Variants in LYSMD2 observed in about 807,000 individuals in gnomAD.
LYSMD2 encodes the protein LysM domain containing 2, also known as lysM and putative peptidoglycan-binding domain-containing protein 2.
In LYSMD2, 6 loss-of-function variants were observed where a neutral mutation model predicts 17.7. The ratio of observed to expected loss-of-function variants is 0.34; its 90% CI spans 0.19 to 0.67. The LOEUF (loss-of-function observed/expected upper bound fraction) is 0.67. LYSMD2 is among the 30% of genes least tolerant of loss of function. The pLI is 0.69. For missense variants in LYSMD2, 237 were observed against 286.7 expected, an observed-to-expected ratio of 0.83 and a Z score of 1.25; for synonymous variants, 102 against 129.8, an observed-to-expected ratio of 0.79 and a Z score of 1.45.
At chr15:51,727,304 A>G (rs1253080187) in intron 1 of LYSMD2, among the ~76,000 whole-genome samples, 2 of 152,300 alleles carry the variant, frequency 1.3e-5, no homozygotes, top group African/African-American at 2.4e-5. Context: ...GTTTTCAAAC[A>G]GCAGCAGAAC....
chr15:51,744,817 A>G (rs904384882), intron 1 of LYSMD2, among the ~76,000 whole-genome samples: 1 of 152,200 alleles, frequency 6.6e-6, no homozygotes, highest in Admixed American at 6.5e-5. Context: ...AAGGAAGTCA[A>G]CAAATCCAAA....
chr15:51,747,110 G>A (rs1280446070), intron 1 of LYSMD2, among the ~76,000 whole-genome samples: 1 of 151,130 alleles, frequency 6.6e-6, no homozygotes, highest in Admixed American at 6.6e-5. Context: ...TTAGACATGA[G>A]AATTGCTTGA....
chr15:51,724,865 C>T lies in LYSMD2; in HGVS notation c.530G>A (p.Arg177Lys), dbSNP rs2055527411. 4 of 1,614,108 alleles carry T rather than the reference C, an allele frequency of 2.5e-6. No individual in the cohort carries two copies. The East Asian group carries it at 8.9e-5, about 36-fold the overall frequency. The change falls in exon 2 of 3, where the codon AGA becomes AAA. Residue 177 changes from arginine to lysine, a missense_variant. Transcript: ENST00000267838. ...QPVQPEEVSA[R>K]DFLQRLDLQI... is the part of the protein sequence containing the mutation. Reference sequence around the variant, plus strand: ...CAAGTCAAGTCTCTGCAGGAAATCTCTGGCTGACACTTCCTCAGGCTGCAC... The same window carrying T: ...CAAGTCAAGTCTCTGCAGGAAATCTTTGGCTGACACTTCCTCAGGCTGCAC...
intron 1 of LYSMD2, among the ~76,000 whole-genome samples, chr15:51,750,156 CT>C (rs1436085670): frequency 6.6e-6 from 1 of 152,206 alleles, no homozygotes; most frequent in African/African-American, 2.4e-5. Flanking sequence ...CTGAACACCC[CT>C]ATGACCTTGA....
At chr15:51,740,089 G>C (rs1431613291), upstream of LYSMD2, among the ~76,000 whole-genome samples, 2 of 152,088 alleles carry the variant, frequency 1.3e-5, no homozygotes, top group African/African-American at 4.8e-5. Context: ...CTCCTGAGTA[G>C]CTGGGACTAC....
At chr15:51,738,260 A>T (rs540310105), upstream of LYSMD2, 2 of 151,916 alleles carry the variant, frequency 1.3e-5, no homozygotes, top group Admixed American at 1.3e-4. Context: ...TCAACATTGC[A>T]CTAGGAGGGA....
intron 1 of LYSMD2, among the ~76,000 whole-genome samples, chr15:51,743,332 A>G (rs2055652499): frequency 6.6e-6 from 1 of 152,190 alleles, no homozygotes; most frequent in Non-Finnish European, 1.5e-5. Context: ...GTTTAGATTC[A>G]TTGTTTTACA....
rs904431964 is a variant in LYSMD2 at position 51,737,521 on chromosome 15, C to G, written c.102G>C (p.Glu34Asp). 37 of 1,266,366 alleles carry G rather than the reference C, an allele frequency of 2.9e-5. No individual in the cohort carries two copies. The highest frequency in any genetic ancestry group is 3.0e-4 in the Middle Eastern group (1 of 3,310). 78.4% of individuals were successfully genotyped at this position (1,266,366 alleles called of 1,614,324 possible). Reference protein sequence around the residue: ...SPPPRSRSGSESEEAELSLSL... With the variant: ...SPPPRSRSGSDSEEAELSLSL... ...TCAGCGACAGCTCGGCCTCCTCGGA[C>G]TCGGAGCCGGAGCGCGAGCGCGGCG... is the stretch of plus-strand genomic sequence containing the variant. The change falls in exon 1 of 3, where the codon GAG (glutamate) becomes GAC (aspartate). Residue 34 changes from glutamate (E) to aspartate (D), a missense_variant. Glu to Asp is a conservative substitution (Grantham distance 45). Coordinates refer to ENST00000267838, the MANE Select transcript of LYSMD2 (RefSeq NM_153374.3). This position sits in a 1 kb window ranked among gnomAD's most constrained non-coding sequence, Gnocchi z 4.2.
In LYSMD2 at chr15:51,724,849, T is replaced by G; in HGVS notation, c.546A>C (p.Arg182Ser). 1 of 1,614,066 alleles carries G rather than the reference T, an allele frequency of 6.2e-7. No individual in the cohort carries two copies. The highest frequency in any genetic ancestry group is 8.5e-7 in the Non-Finnish European group (1 of 1,179,994). ...TTGATAACTTAATCTGCAAGTCAAG[T>G]CTCTGCAGGAAATCTCTGGCTGACA... ...EEVSARDFLQ[R>S]LDLQIKLSTQ... Residue 182 changes from arginine to serine, a missense_variant, in exon 2 of 3, where the codon AGA becomes AGC. Coordinates refer to ENST00000267838, the MANE Select transcript of LYSMD2 (RefSeq NM_153374.3).
At chr15:51,748,316 T>C (rs1271046908) in intron 1 of LYSMD2, among the ~76,000 whole-genome samples, 1 of 108,818 alleles carries the variant, frequency 9.2e-6, no homozygotes, top group African/African-American at 3.6e-5. Context: ...TTAAGGGAGG[T>C]TACAGAAACT....
At chr15:51,725,804 T>C (rs1283248781) in intron 1 of LYSMD2, among the ~76,000 whole-genome samples, 1 of 152,180 alleles carries the variant, frequency 6.6e-6, no homozygotes, top group East Asian at 1.9e-4. Context: ...TGGCAGTGGA[T>C]GGTACTTACT....
At chr15:51,751,088 C>G (rs2055697630) in intron 1 of LYSMD2, among the ~76,000 whole-genome samples, 1 of 152,228 alleles carries the variant, frequency 6.6e-6, no homozygotes, top group African/African-American at 2.4e-5. Context: ...GCTAAGTTGT[C>G]CGGTCTCACC....
intron 1 of LYSMD2, among the ~76,000 whole-genome samples, chr15:51,748,588 C>A (rs907300638): frequency 6.6e-6 from 1 of 152,170 alleles, no homozygotes; most frequent in Non-Finnish European, 1.5e-5. Flanking sequence ...TATTTATTAT[C>A]TCATATAACA....
intron 1 of LYSMD2, among the ~76,000 whole-genome samples, chr15:51,745,385 A>G (rs2055662242): frequency 6.6e-6 from 1 of 152,224 alleles, no homozygotes; most frequent in East Asian, 1.9e-4. Context: ...TGCAACATGT[A>G]GAAAGATTAT....
chr15:51,746,749 G>C (rs562815592), intron 1 of LYSMD2, among the ~76,000 whole-genome samples: 1 of 151,712 alleles, frequency 6.6e-6, no homozygotes, highest in Non-Finnish European at 1.5e-5. Flanking sequence ...ACTCTACCCC[G>C]TCTCCCACAC....
intron 1 of LYSMD2, among the ~76,000 whole-genome samples, chr15:51,731,203 A>G (rs2055574613): frequency 6.6e-6 from 1 of 152,226 alleles, no homozygotes; most frequent in Non-Finnish European, 1.5e-5. Context: ...ATCGAATCGT[A>G]CACTTAAGAT....
chr15:51,727,646 C>T (rs762601177), intron 1 of LYSMD2, among the ~76,000 whole-genome samples: 3 of 152,178 alleles, frequency 2.0e-5, no homozygotes, highest in Admixed American at 2.0e-4. Context: ...GAGGACTAGA[C>T]AAGGTGACAG....
At position 51,737,384 on chromosome 15, in the gene LYSMD2, G is replaced by A. The variant is rs1268328712; in HGVS notation, c.239C>T (p.Thr80Met). The stretch of plus-strand genomic sequence containing the variant: ...GTACTTGAGCGCGATGCCCTGCAGC[G>A]TGTCGCCCGCGCGGACCCGGTGCTC... ...HVEHRVRAGD[T>M]LQGIALKYGV... is the part of the protein sequence containing the mutation. The change falls in exon 1 of 3, where the codon ACG (threonine) becomes ATG (methionine). Residue 80 changes from threonine (T) to methionine (M), a missense_variant. Transcript: ENST00000267838. This position sits in a 1 kb window ranked among gnomAD's most constrained non-coding sequence, Gnocchi z 4.2. The A allele has an allele frequency of 1.4e-6, 2 of 1,456,720 alleles. No homozygotes were observed. Among genetic ancestry groups the A allele is most frequent in the Non-Finnish European group, 1.8e-6 (2 of 1,109,964 alleles). 90.2% of individuals were successfully genotyped at this position (1,456,720 alleles called of 1,614,324 possible). A position where few individuals can be genotyped will look rare whatever the true frequency, so the allele number is the denominator to read the frequency against.
intron 1 of LYSMD2, among the ~76,000 whole-genome samples, chr15:51,729,411 C>T (rs1179022922): frequency 6.6e-6 from 1 of 152,168 alleles, no homozygotes; most frequent in African/African-American, 2.4e-5. Context: ...CTGAAAAATA[C>T]AAAATGGTGA....
Sources: gnomAD v4.1 joint callset for allele counts (sites outside exome capture counted in the v4.1 genomes callset) on GRCh38, gnomAD v4.1.1 for gene constraint, Gnocchi (gnomAD v3.1) non-coding constraint, MANE v1.5 for transcripts, NCBI Gene and HGNC (gene_info 2026-07-23, HGNC 2026-07-21) for gene names.